MAP3K20: variants seen among roughly 807,000 people sequenced by gnomAD.
MAP3K20 encodes mitogen-activated protein kinase kinase kinase 20, also known as HCCS-4.
MAP3K20 carries 40 observed loss-of-function variants against 85.7 expected under a neutral mutation model. The ratio of observed to expected loss-of-function variants is 0.47; its 90% CI spans 0.36 to 0.61. The LOEUF (loss-of-function observed/expected upper bound fraction) is 0.61, where lower values mean the gene tolerates loss of function less well. Ranked by LOEUF, MAP3K20 falls within the 20% of genes least tolerant of loss-of-function variation. The pLI is 0.00. For missense variants in MAP3K20, 817 were observed against 961.7 expected (o/e 0.85, Z 1.99); for synonymous variants, 325 against 327.7 (o/e 0.99, Z 0.09).
At position 173,168,375 on chromosome 2, in the gene MAP3K20, G is replaced by A. The variant is rs544649911; in HGVS notation, c.160-1430G>A. Among the ~76,000 whole-genome samples, 8 of 152,196 alleles carry A rather than the reference G, an allele frequency of 5.3e-5. No individual in the cohort carries two copies. The East Asian group carries it at 5.8e-4, about 11-fold the overall frequency. ...CACTGTCAAATCAAGCTTGATAAGCGTCTCATGCAATCAATGATATTCTTT... is the reference window on the plus strand; with the variant it reads ...CACTGTCAAATCAAGCTTGATAAGCATCTCATGCAATCAATGATATTCTTT... On this transcript the variant is annotated intron_variant, in intron 2 of 19. Coordinates refer to ENST00000375213, the MANE Select transcript of MAP3K20 (RefSeq NM_016653.3).
At chr2:173,089,550 A>G (rs1687233790) in intron 1 of MAP3K20, among the ~76,000 whole-genome samples, 1 of 151,974 alleles carries the variant, frequency 6.6e-6, no homozygotes. Flanking sequence ...TTTATCCAGA[A>G]TCCAGTGATC....
chr2:173,226,793 CTAAA>C (rs1170386147), intron 11 of MAP3K20: 2 of 983,722 alleles, frequency 2.0e-6, no homozygotes, highest in African/African-American at 1.7e-5. Context: ...AATTTTTGTA[CTAAA>C]TAATAGAAAA....
chr2:173,250,567 G>A (rs887738425), intron 16 of MAP3K20, among the ~76,000 whole-genome samples: 7 of 152,174 alleles, frequency 4.6e-5, no homozygotes, highest in African/African-American at 1.4e-4. Flanking sequence ...TAATGCCTGC[G>A]TTCGCATGGA....
intron 14 of MAP3K20, among the ~76,000 whole-genome samples, chr2:173,237,686 T>G (rs1188843647): frequency 6.6e-6 from 1 of 152,204 alleles, no homozygotes; most frequent in Non-Finnish European, 1.5e-5. Context: ...AATGTTCTTA[T>G]AATGCAATCA....
rs1685435508 is a variant in MAP3K20, at chr2:173,266,770, T to A, written c.*20T>A. On this transcript the variant is annotated 3_prime_UTR_variant, in exon 20 of 20. Coordinates refer to ENST00000375213, the MANE Select transcript of MAP3K20 (RefSeq NM_016653.3). ...TTTTGATGAATTGAACTACATAGCTTTTCTAAGCAGGTTAAAAAAAAAAAA... is the reference window on the plus strand; with the variant it reads ...TTTTGATGAATTGAACTACATAGCTATTCTAAGCAGGTTAAAAAAAAAAAA... 7.4e-7 allele frequency: 1 copy of A among 1,349,536 alleles called. No homozygotes were observed. The highest frequency in any genetic ancestry group is 9.7e-7 in the Non-Finnish European group (1 of 1,030,022). The allele number at this position is 1,349,536 out of a possible 1,614,324, so 83.6% of individuals were successfully genotyped here. A position where few individuals can be genotyped will look rare whatever the true frequency, so the allele number is the denominator to read the frequency against.
At chr2:173,102,711 G>A (rs1687669300) in intron 2 of MAP3K20, among the ~76,000 whole-genome samples, 1 of 152,164 alleles carries the variant, frequency 6.6e-6, no homozygotes, top group South Asian at 2.1e-4. Flanking sequence ...ATTGTATTCA[G>A]CAAGTAATGT....
intron 15 of MAP3K20, 33 bp downstream of exon 15, chr2:173,238,468 T>C (rs1298236953): frequency 1.3e-6 from 2 of 1,576,844 alleles, no homozygotes; most frequent in South Asian, 1.1e-5. Context: ...ACACTAATGC[T>C]ACCTTTATTG....
chr2:173,203,194 C>T (rs1430072090), intron 8 of MAP3K20, among the ~76,000 whole-genome samples: 1 of 152,158 alleles, frequency 6.6e-6, no homozygotes, highest in Non-Finnish European at 1.5e-5. Flanking sequence ...CTATGAGAAG[C>T]ACCACTGTAG....
chr2:173,085,211 C>T (rs1687113795), intron 1 of MAP3K20, among the ~76,000 whole-genome samples: 1 of 152,014 alleles, frequency 6.6e-6, no homozygotes, highest in African/African-American at 2.4e-5. Context: ...AACATTAGAA[C>T]TGTAGTGGGG....
At chr2:173,223,767 TACAAATACATGA>T (rs1276890680) in intron 11 of MAP3K20, 1 of 985,288 alleles carries the variant, frequency 1.0e-6, no homozygotes, top group Non-Finnish European at 1.2e-6. Context: ...CACACATATG[TACAAATACATGA>T]ACACAGCCTG....
chr2:173,258,608 A>T, intron 16 of MAP3K20, 91 bp from the exon 17 acceptor site: 1 of 689,948 alleles, frequency 1.4e-6, no homozygotes. Context: ...ATAATACTTC[A>T]TTTAGAATAT....
rs182298707 is a variant in MAP3K20, at chr2:173,157,053, T to C, written c.160-12752T>C. 6.7e-4 allele frequency among the ~76,000 whole-genome samples: 102 copies of C among 152,276 alleles called. 1 individual carries two copies. The highest frequency in any genetic ancestry group is 2.3e-3 in the African/African-American group (97 of 41,544). On this transcript the variant is annotated intron_variant, in intron 2 of 19. Transcript: ENST00000375213. The stretch of plus-strand genomic sequence containing the variant: ...ACCCCTGTGCAGGTGAAAATATGGG[T>C]GTCCCTTTTGACTCCTTTGTTAGCG...
At chr2:173,254,428 C>T (rs1417343556) in intron 16 of MAP3K20, among the ~76,000 whole-genome samples, 6 of 121,538 alleles carry the variant, frequency 4.9e-5, no homozygotes, top group African/African-American at 1.1e-4. Flanking sequence ...AGTGAGACTT[C>T]GTCTCAAAAA....
Position 173,266,784 on chromosome 2 carries a change from A to AAAG in MAP3K20, c.*36_*37insGAA. ...ACTACATAGCTTTTCTAAGCAGGTT[A>AAAG]AAAAAAAAAAAAAAAAGAAATGTAA... On this transcript the variant is annotated 3_prime_UTR_variant, in exon 20 of 20. Transcript: ENST00000375213. 2.4e-6 allele frequency: 1 copy of AAAG among 419,918 alleles called. No homozygotes were observed. Among genetic ancestry groups the AAAG allele is most frequent in the Non-Finnish European group, 2.8e-6 (1 of 353,868 alleles). The allele number at this position is 419,918 out of a possible 1,614,324, so 26.0% of individuals were successfully genotyped here. A position where few individuals can be genotyped will look rare whatever the true frequency, so the allele number is the denominator to read the frequency against.
chr2:173,266,654 A>T lies in MAP3K20; in HGVS notation c.2307A>T (p.Thr769=). Residue 769 remains threonine, a synonymous_variant, in exon 20 of 20, where the codon ACA becomes ACT. Transcript: ENST00000375213. ...GCAAAGTCAGCGAAGGGGGCTGGAC[A>T]AAAGTGGAATACCGGAAAAAGCCCC... The part of the protein sequence containing the change: ...EDSKVSEGGW[T]KVEYRKKPHR... 6.2e-7 allele frequency: 1 copy of T among 1,613,220 alleles called. No individual in the cohort carries two copies. Among genetic ancestry groups the T allele is most frequent in the Non-Finnish European group, 8.5e-7 (1 of 1,179,654 alleles).
intron 14 of MAP3K20, among the ~76,000 whole-genome samples, chr2:173,232,840 G>A (rs764036872): frequency 1.3e-5 from 2 of 152,188 alleles, no homozygotes; most frequent in African/African-American, 2.4e-5. Context: ...CTACTATGCA[G>A]CAGATCACGT....
At chr2:173,087,524 A>T (rs1307772463) in intron 1 of MAP3K20, among the ~76,000 whole-genome samples, 1 of 152,218 alleles carries the variant, frequency 6.6e-6, no homozygotes, top group East Asian at 1.9e-4. Context: ...GAAAGAGTTC[A>T]CTGAGTGTCC....
intron 2 of MAP3K20, among the ~76,000 whole-genome samples, chr2:173,105,572 CA>C (rs1208870371): frequency 6.6e-6 from 1 of 152,128 alleles, no homozygotes; most frequent in East Asian, 1.9e-4. Flanking sequence ...ATTTATTATT[CA>C]ACCTTAAGAA....
intron 2 of MAP3K20, among the ~76,000 whole-genome samples, chr2:173,118,237 G>A (rs1042827207): frequency 6.6e-6 from 1 of 152,108 alleles, no homozygotes; most frequent in African/African-American, 2.4e-5. Context: ...TATTTAAGAA[G>A]ATAAAAATCC....
Sources: gnomAD v4.1 joint callset for allele counts (sites outside exome capture counted in the v4.1 genomes callset) on GRCh38, gnomAD v4.1.1 for gene constraint, MANE v1.5 for transcripts, NCBI Gene and HGNC (gene_info 2026-07-23, HGNC 2026-07-21) for gene names.